Variants in RILPL1 observed in about 807,000 individuals in gnomAD.
RILPL1 encodes RILP-like protein 1.
In RILPL1, 33 loss-of-function variants were observed where a neutral mutation model predicts 50.3. The observed-to-expected ratio is 0.66, with a 90% CI of 0.50 to 0.88. RILPL1 has a LOEUF of 0.88. RILPL1 is among the 40% of genes least tolerant of loss of function. RILPL1 has a pLI of 0.00. For missense variants in RILPL1, 418 were observed against 542.5 expected (o/e 0.77, Z 2.28); for synonymous variants, 205 against 228.6 (o/e 0.90, Z 0.93).
Position 123,529,128 on chromosome 12 carries a change from C to G in RILPL1, c.309+4046G>C, listed in dbSNP as rs543440652. Among the ~76,000 whole-genome samples, 68 of 152,314 alleles carry G rather than the reference C, an allele frequency of 4.5e-4. No homozygotes were observed. In the South Asian group the frequency reaches 0.014, roughly 31 times the overall value. ...GCCACGTCTTCTGCCTAGAATGCCT[C>G]TCCCCCAGATCAATCTGTGGCTGGA... On this transcript the variant is annotated intron_variant, in intron 1 of 6. Coordinates refer to ENST00000376874, the MANE Select transcript of RILPL1 (RefSeq NM_178314.5).
intron 3 of RILPL1, among the ~76,000 whole-genome samples, chr12:123,499,084 A>G (rs1027899172): frequency 6.6e-6 from 1 of 152,184 alleles, no homozygotes; most frequent in Admixed American, 6.5e-5. Context: ...TTCCTGGAGC[A>G]CGCTGGACCC....
At chr12:123,496,051 C>T (rs990116610) in intron 4 of RILPL1, among the ~76,000 whole-genome samples, 1 of 147,208 alleles carries the variant, frequency 6.8e-6, no homozygotes, top group African/African-American at 2.5e-5. Context: ...TCACCCCTGT[C>T]GCCCAGGCTG....
chr12:123,492,595 C>T (rs1045933765), intron 4 of RILPL1, among the ~76,000 whole-genome samples: 1 of 152,144 alleles, frequency 6.6e-6, no homozygotes, highest in African/African-American at 2.4e-5. Context: ...GATCACACTG[C>T]AATGACAGTG....
At position 123,470,833 on chromosome 12, in the gene RILPL1, A is replaced by G. The variant is rs1881157608; in HGVS notation, c.*1705T>C. ...AGGAAAGATAACCAAGAAACTGGCA[A>G]TTTTGGTTACCTGTTGGAAGGGCAA... is the stretch of plus-strand genomic sequence containing the variant. On this transcript the variant is annotated 3_prime_UTR_variant, in exon 7 of 7. Coordinates refer to ENST00000376874, the MANE Select transcript of RILPL1 (RefSeq NM_178314.5). 6.6e-6 allele frequency: 1 copy of G among 152,160 alleles called. No homozygotes were observed. Among genetic ancestry groups the G allele is most frequent in the African/African-American group, 2.4e-5 (1 of 41,438 alleles). The allele number at this position is 152,160 out of a possible 1,614,324, so 9.4% of individuals were successfully genotyped here. A position where few individuals can be genotyped will look rare whatever the true frequency, so the allele number is the denominator to read the frequency against.
intron 1 of RILPL1, among the ~76,000 whole-genome samples, chr12:123,530,114 T>C (rs1885395558): frequency 6.6e-6 from 1 of 152,122 alleles, no homozygotes; most frequent in South Asian, 2.1e-4. Flanking sequence ...AATGAAAATA[T>C]TTTGGATCTA....
chr12:123,490,651 T>G (rs1882631244), intron 4 of RILPL1, among the ~76,000 whole-genome samples: 1 of 152,112 alleles, frequency 6.6e-6, no homozygotes, highest in Non-Finnish European at 1.5e-5. Flanking sequence ...TTGCCCAGGC[T>G]GGTTTCGGAC....
rs761003235 is a variant in RILPL1, at chr12:123,475,641, C to G, written c.1068-2959G>C. On this transcript the variant is annotated intron_variant, in intron 6 of 6. Coordinates refer to ENST00000376874, the MANE Select transcript of RILPL1 (RefSeq NM_178314.5). ...TCCAAGGGGGCAGCTCAAACAAAAC[C>G]CAAAACACACACAGTGCCTACAAGG... The G allele has an allele frequency of 3.9e-5, 60 of 1,537,180 alleles. No individual in the cohort carries two copies. In the South Asian group the frequency reaches 5.0e-4, roughly 13 times the overall value.
At chr12:123,523,764 G>T in intron 1 of RILPL1, 119 bp from the exon 2 acceptor site, 1 of 1,197,474 alleles carries the variant, frequency 8.4e-7, no homozygotes, top group Non-Finnish European at 1.2e-6. Context: ...TTCCTCGTGA[G>T]AACTGGGCCG....
intron 1 of RILPL1, among the ~76,000 whole-genome samples, chr12:123,529,477 A>G (rs1274905001): frequency 6.6e-6 from 1 of 152,026 alleles, no homozygotes; most frequent in East Asian, 1.9e-4. Context: ...AGGTTTTGCC[A>G]TGTTGGCCAG....
intron 4 of RILPL1, among the ~76,000 whole-genome samples, chr12:123,486,394 C>A (rs1275893453): frequency 6.6e-6 from 1 of 152,194 alleles, no homozygotes; most frequent in Non-Finnish European, 1.5e-5. Flanking sequence ...GGGTGACCAA[C>A]AGATCCCAGC....
rs35609573 is a variant in RILPL1, at chr12:123,502,080, CAA to C, written c.461-2546_461-2545del. Among the ~76,000 whole-genome samples the C allele has an allele frequency of 3.4e-3, 330 of 98,488 alleles. 2 individuals are homozygous for C. The highest frequency in any genetic ancestry group is 9.5e-3 in the African/African-American group (274 of 28,824). The allele number at this position is 98,488 out of a possible 152,430, so 64.6% of individuals were successfully genotyped here. On this transcript the variant is annotated intron_variant, in intron 2 of 6. Transcript: ENST00000376874. ...GGGCAACAAGAGTGAAACTTCGTCT[CAA>C]AAAAAAAAAAAAAAAGGAAAAGCTA... is the stretch of plus-strand genomic sequence containing the variant.
At position 123,499,482 on chromosome 12, in the gene RILPL1, T is replaced by G; in HGVS notation, c.515A>C (p.Lys172Thr). 6.2e-7 allele frequency: 1 copy of G among 1,613,986 alleles called. No individual in the cohort carries two copies. The highest frequency in any genetic ancestry group is 8.5e-7 in the Non-Finnish European group (1 of 1,179,870). ...CTTGGCGCGGATCTCGTCGCGTTGTTTGTCCACCACCTCCTTCAGCTTCTT... is the reference window on the plus strand; with the variant it reads ...CTTGGCGCGGATCTCGTCGCGTTGTGTGTCCACCACCTCCTTCAGCTTCTT... ...VMKKLKEVVD[K>T]QRDEIRAKDR... Residue 172 changes from lysine to threonine, a missense_variant, in exon 3 of 7, where the codon AAA becomes ACA. Transcript: ENST00000376874.
At chr12:123,511,574 G>T (rs1339077014) in intron 2 of RILPL1, among the ~76,000 whole-genome samples, 2 of 143,488 alleles carry the variant, frequency 1.4e-5, no homozygotes, top group African/African-American at 2.6e-5. Flanking sequence ...TATGTGTGAG[G>T]TCTGTGGGTG....
intron 2 of RILPL1, among the ~76,000 whole-genome samples, chr12:123,516,989 G>T (rs1884735448): frequency 6.6e-6 from 1 of 152,098 alleles, no homozygotes; most frequent in Non-Finnish European, 1.5e-5. Flanking sequence ...TGAGCAGGAG[G>T]TGAGGGAGGA....
chr12:123,533,188 G>C lies in RILPL1; in HGVS notation c.295C>G (p.Arg99Gly). ...CCGCCGCCCACCTTCTGGTGCTTGC[G>C]CTCCTTCTCGATGCGGTCCATCCTC... ...LERMDRIEKERKHQKELELVE... is the reference protein window; with the variant it reads ...LERMDRIEKEGKHQKELELVE... Residue 99 changes from arginine to glycine, a missense_variant, in exon 1 of 7, where the codon CGC becomes GGC. By Grantham distance (125) the Arg-to-Gly change is moderately radical (BLOSUM62 -2). Coordinates refer to ENST00000376874, the MANE Select transcript of RILPL1 (RefSeq NM_178314.5). This position sits in a 1 kb window ranked among gnomAD's most constrained non-coding sequence, Gnocchi z 6.2. 6.4e-7 allele frequency: 1 copy of C among 1,561,998 alleles called. No homozygotes were observed. Among genetic ancestry groups the C allele is most frequent in the Non-Finnish European group, 8.6e-7 (1 of 1,157,690 alleles).
rs753106715 is a variant in RILPL1, at chr12:123,511,388, GGTGTGTGAGGTCTGT to G, written c.461-11867_461-11853del. 4.3e-3 allele frequency among the ~76,000 whole-genome samples: 595 copies of G among 137,538 alleles called. 2 individuals are homozygous for G. Among genetic ancestry groups the G allele is most frequent in the Non-Finnish European group, 6.1e-3 (387 of 63,280 alleles). 90.2% of individuals were successfully genotyped at this position (137,538 alleles called of 152,430 possible). A position where few individuals can be genotyped will look rare whatever the true frequency, so the allele number is the denominator to read the frequency against. On this transcript the variant is annotated intron_variant, in intron 2 of 6. Transcript: ENST00000376874. ...GTGTCTGTGTGAGGTCTGTGTGTGTGGTGTGTGAGGTCTGTGTGTGTGAGGTCTGTGTGTGAGGTC... is the reference window on the plus strand; with the variant it reads ...GTGTCTGTGTGAGGTCTGTGTGTGTGGTGTGTGAGGTCTGTGTGTGAGGTC...
chr12:123,507,953 GAAAAA>G lies in RILPL1; in HGVS notation c.461-8422_461-8418del, dbSNP rs56309765. ...TGAAACTCCATCTCAAAAAAAAAAAGAAAAAAAAAAAAAAAAGAAAAGAGAAAACC... is the reference window on the plus strand; with the variant it reads ...TGAAACTCCATCTCAAAAAAAAAAAGAAAAAAAAAAAGAAAAGAGAAAACC... On this transcript the variant is annotated intron_variant, in intron 2 of 6. Coordinates refer to ENST00000376874, the MANE Select transcript of RILPL1 (RefSeq NM_178314.5). 2.6e-5 allele frequency among the ~76,000 whole-genome samples: 3 copies of G among 115,012 alleles called. No individual in the cohort carries two copies. The Admixed American group carries it at 2.9e-4, about 11-fold the overall frequency. 75.5% of individuals were successfully genotyped at this position (115,012 alleles called of 152,430 possible).
intron 2 of RILPL1, among the ~76,000 whole-genome samples, chr12:123,501,578 T>G (rs771924496): frequency 9.2e-5 from 14 of 151,692 alleles, no homozygotes; most frequent in Non-Finnish European, 1.8e-4. Flanking sequence ...TGGCCAACAC[T>G]GTGAAACCCC....
At chr12:123,521,544 T>C (rs1309265590) in intron 2 of RILPL1, among the ~76,000 whole-genome samples, 5 of 129,994 alleles carry the variant, frequency 3.8e-5, no homozygotes, top group Non-Finnish European at 8.2e-5. Flanking sequence ...TATATGTATA[T>C]ATATGTGTGT....
Sources: gnomAD v4.1 joint callset for allele counts (sites outside exome capture counted in the v4.1 genomes callset) on GRCh38, gnomAD v4.1.1 for gene constraint, Gnocchi (gnomAD v3.1) non-coding constraint, MANE v1.5 for transcripts, NCBI Gene and HGNC (gene_info 2026-07-23, HGNC 2026-07-21) for gene names.